Variants in ERC1 observed in about 807,000 individuals in gnomAD.
ERC1 encodes the protein RAB6 interacting protein 2.
ERC1 carries 56 observed loss-of-function variants against 132.0 expected under a neutral mutation model. The ratio of observed to expected loss-of-function variants is 0.42; its 90% confidence interval spans 0.34 to 0.53. The LOEUF (loss-of-function observed/expected upper bound fraction) is 0.53, where lower values mean the gene tolerates loss of function less well. ERC1 is among the 20% of genes least tolerant of loss of function. ERC1 has a pLI of 0.03. For synonymous variants in ERC1, 478 were observed against 476.1 expected (o/e 1.00, Z -0.05); for missense variants, 1,202 against 1,349.9 (o/e 0.89, Z 1.72).
chr12:1,279,727 C>T (rs530213222), intron 14 of ERC1, among the ~76,000 whole-genome samples: 1,604 of 150,202 alleles, frequency 0.011, 10 homozygotes, highest in Non-Finnish European at 0.018. Context: ...CTCGCTCTGT[C>T]GCCCAGGCCG....
chr12:1,273,287 A>G (rs778717752), intron 14 of ERC1, among the ~76,000 whole-genome samples: 97 of 152,226 alleles, frequency 6.4e-4, no homozygotes, highest in Non-Finnish European at 1.1e-3. Flanking sequence ...ACAGTCACAC[A>G]TGCATTTCCT....
At chr12:1,129,686 T>G (rs1173869386) in intron 7 of ERC1, among the ~76,000 whole-genome samples, 1 of 152,210 alleles carries the variant, frequency 6.6e-6, no homozygotes, top group African/African-American at 2.4e-5. Flanking sequence ...CAGAATTCTG[T>G]ACCAAGCTGA....
At chr12:1,468,148 C>T (rs1436515312) in intron 18 of ERC1, among the ~76,000 whole-genome samples, 2 of 152,136 alleles carry the variant, frequency 1.3e-5, no homozygotes, top group Non-Finnish European at 2.9e-5. Context: ...AAAATACTTA[C>T]TTCTAAAAGT....
chr12:1,267,574 C>T (rs1022187383), intron 14 of ERC1, among the ~76,000 whole-genome samples: 14 of 152,258 alleles, frequency 9.2e-5, no homozygotes, highest in Non-Finnish European at 1.9e-4. Context: ...ACCTGTACGA[C>T]AATGCGAGGC....
chr12:1,249,401 T>C (rs2076342025), intron 13 of ERC1, among the ~76,000 whole-genome samples: 1 of 152,202 alleles, frequency 6.6e-6, no homozygotes, highest in East Asian at 1.9e-4. Context: ...TACCCATCTT[T>C]TAAGGGTCAG....
intron 8 of ERC1, among the ~76,000 whole-genome samples, chr12:1,154,213 GTATGTATATGTATATGTATATGTA>G (rs140140472): frequency 0.3 from 42,538 of 142,710 alleles, 6,842 homozygotes; most frequent in African/African-American, 0.42. Context: ...GTGTGTGTGT[GTATGTATATGTATATGTATATGTA>G]TATGTATATG....
intron 8 of ERC1, among the ~76,000 whole-genome samples, chr12:1,173,441 T>A (rs1466409057): frequency 6.6e-6 from 1 of 152,220 alleles, no homozygotes; most frequent in Non-Finnish European, 1.5e-5. Flanking sequence ...GGAGAGTTTT[T>A]AAAAACTGGA....
upstream of ERC1, chr12:990,119 G>T (rs1959167396): frequency 6.6e-6 from 1 of 152,230 alleles, no homozygotes; most frequent in Non-Finnish European, 1.5e-5. Flanking sequence ...AGGCTGAGGA[G>T]CGACTGCAAT....
chr12:1,070,782 C>T lies in ERC1; in HGVS notation c.670-12382C>T, dbSNP rs144530377. 3.0e-3 allele frequency among the ~76,000 whole-genome samples: 458 copies of T among 152,306 alleles called. 1 individual carries two copies. The highest frequency in any genetic ancestry group is 9.9e-3 in the African/African-American group (412 of 41,556). On this transcript the variant is annotated intron_variant, in intron 2 of 18. Transcript: ENST00000360905. The stretch of plus-strand genomic sequence containing the variant: ...ATGAGTTTTGACAAATGCCAACACC[C>T]GTGTAATCCACAATTCTGTCAAGAT...
intron 17 of ERC1, among the ~76,000 whole-genome samples, chr12:1,437,190 CT>C (rs1429887998): frequency 6.6e-6 from 1 of 152,168 alleles, no homozygotes; most frequent in East Asian, 1.9e-4. Context: ...GCTTTCTTGA[CT>C]TCTTGATTCT....
intron 7 of ERC1, among the ~76,000 whole-genome samples, chr12:1,122,559 ATCTC>A (rs1446520174): frequency 3.8e-4 from 11 of 28,728 alleles, no homozygotes; most frequent in Admixed American, 6.1e-4. Context: ...CTCTATCTCT[ATCTC>A]TATCTGTGTC....
Position 1,494,687 on chromosome 12 carries a change from C to T in ERC1, c.*4457C>T, listed in dbSNP as rs1391777841. On this transcript the variant is annotated 3_prime_UTR_variant, in exon 19 of 19. Transcript: ENST00000360905. ...TTGGGGGAGCGGGTTTTTGTCCCAT[C>T]CCACCTCCTCTCTTCTTTCTCTGCT... 4.3e-6 allele frequency: 1 copy of T among 231,290 alleles called. No homozygotes were observed. Among genetic ancestry groups the T allele is most frequent in the South Asian group, 1.8e-4 (1 of 5,514 alleles). 14.3% of individuals were successfully genotyped at this position (231,290 alleles called of 1,614,324 possible).
intron 2 of ERC1, among the ~76,000 whole-genome samples, chr12:1,068,222 G>A (rs970517329): frequency 2.0e-5 from 3 of 148,464 alleles, no homozygotes; most frequent in South Asian, 2.1e-4. Flanking sequence ...GAGCCACCGC[G>A]CCCGGCGATG....
intron 12 of ERC1, among the ~76,000 whole-genome samples, chr12:1,233,934 C>G (rs2075243089): frequency 6.6e-6 from 1 of 151,758 alleles, no homozygotes; most frequent in African/African-American, 2.4e-5. Context: ...ATATATTATA[C>G]TGATATTGAG....
intron 16 of ERC1, among the ~76,000 whole-genome samples, chr12:1,393,577 CTT>C (rs202050373): frequency 0.04 from 5,193 of 130,422 alleles, 118 homozygotes; most frequent in South Asian, 0.1. Context: ...ATCTAAAGTT[CTT>C]TTTTTTTTTT....
chr12:1,297,712 CAA>C (rs535814870), intron 15 of ERC1, among the ~76,000 whole-genome samples: 18 of 65,932 alleles, frequency 2.7e-4, no homozygotes, highest in African/African-American at 4.5e-4. Flanking sequence ...GTCCCCCTGC[CAA>C]AAAAAAAAAA....
chr12:1,207,270 T>TG (rs1208470902), intron 12 of ERC1, among the ~76,000 whole-genome samples: 1 of 152,132 alleles, frequency 6.6e-6, no homozygotes. Context: ...CAAAAATAGA[T>TG]GTAATTGTAT....
At position 1,189,231 on chromosome 12, in the gene ERC1, T is replaced by A. The variant is rs183995452; in HGVS notation, c.2158-628T>A. On this transcript the variant is annotated intron_variant, in intron 11 of 18. Transcript: ENST00000360905. ...CCCATCCTTAAGTGTGGTTCTCGAT[T>A]TCTGAATTCATTTGTTTGTCCCATA... Among the ~76,000 whole-genome samples the A allele has an allele frequency of 4.3e-4, 66 of 152,304 alleles. No homozygotes were observed. In the East Asian group the frequency reaches 0.012, roughly 27 times the overall value.
intron 15 of ERC1, among the ~76,000 whole-genome samples, chr12:1,352,545 A>G (rs950311919): frequency 6.6e-6 from 1 of 152,242 alleles, no homozygotes; most frequent in Non-Finnish European, 1.5e-5. Context: ...ATATTATAAT[A>G]GCTAGAATGT....
Sources: allele counts gnomAD v4.1 joint callset (sites outside exome capture counted in the v4.1 genomes callset), GRCh38; gene constraint gnomAD v4.1.1; transcripts MANE v1.5; gene names NCBI Gene and HGNC (gene_info 2026-07-23, HGNC 2026-07-21).